The following HTR1F variants were observed in gnomAD, a reference collection of about 807,000 sequenced individuals.
The protein encoded by HTR1F is 5-hydroxytryptamine receptor 1F, also known as 5-hydroxytryptamine (serotonin) receptor 1F, G protein-coupled.
In HTR1F, 17 loss-of-function variants were observed where a neutral mutation model predicts 24.0. The ratio of observed to expected loss-of-function variants is 0.71; its 90% CI spans 0.48 to 1.06. HTR1F has a LOEUF of 1.06. Ranked by LOEUF, HTR1F falls within the 50% of genes least tolerant of loss-of-function variation. HTR1F has a pLI of 0.00. For missense variants in HTR1F, 391 were observed against 427.8 expected, an observed-to-expected ratio of 0.91 and a Z score of 0.76; for synonymous variants, 186 against 156.8, an observed-to-expected ratio of 1.19 and a Z score of -1.39.
intron 2 of HTR1F, among the ~76,000 whole-genome samples, chr3:87,990,237 T>C (rs1032717886): frequency 6.6e-6 from 1 of 152,218 alleles, no homozygotes; most frequent in African/African-American, 2.4e-5. Context: ...AGCAAAACTC[T>C]TGGTGGGCTC....
chr3:87,992,956 T>C lies in HTR1F; in HGVS notation c.*1106T>C, dbSNP rs2107530331. On this transcript the variant is annotated 3_prime_UTR_variant, in exon 3 of 3. Transcript: ENST00000319595. ...ATTAATAAATGTACACACATATATA[T>C]TTTTGTAATTAGTCACTCTACTAGT... 1 of 167,024 alleles carries C rather than the reference T, an allele frequency of 6.0e-6. No homozygotes were observed. Among genetic ancestry groups the C allele is most frequent in the South Asian group, 2.1e-4 (1 of 4,830 alleles). The allele number at this position is 167,024 out of a possible 1,614,324, so 10.3% of individuals were successfully genotyped here.
chr3:87,902,793 C>A (rs1259040356), intron 2 of HTR1F, among the ~76,000 whole-genome samples: 1 of 141,344 alleles, frequency 7.1e-6, no homozygotes, highest in Non-Finnish European at 1.5e-5. Context: ...GCTCCCCTTC[C>A]TGTGTCCATG....
chr3:87,991,865 A>G lies in HTR1F; in HGVS notation c.*15A>G. ...GTCGATGTTAGTTTTAAAAATGTTT[A>G]TTATTGAAGGATGGGGGTTTTTGAG... On this transcript the variant is annotated 3_prime_UTR_variant, in exon 3 of 3. Coordinates refer to ENST00000319595, the MANE Select transcript of HTR1F (RefSeq NM_001322209.2). 6.5e-7 allele frequency: 1 copy of G among 1,538,850 alleles called. No homozygotes were observed. Among genetic ancestry groups the G allele is most frequent in the Non-Finnish European group, 8.7e-7 (1 of 1,145,360 alleles).
intron 2 of HTR1F, among the ~76,000 whole-genome samples, chr3:87,856,969 A>G (rs1354326): frequency 0.25 from 37,396 of 152,110 alleles, 7,253 homozygotes; most frequent in African/African-American, 0.55. Context: ...GATTCTGCCA[A>G]TGCTTTCAGA....
chr3:87,799,954 T>G (rs1424030033), intron 1 of HTR1F, among the ~76,000 whole-genome samples: 1 of 152,204 alleles, frequency 6.6e-6, no homozygotes, highest in Non-Finnish European at 1.5e-5. Context: ...ATTTCTTTTT[T>G]AAAGTTTTTC....
intron 1 of HTR1F, among the ~76,000 whole-genome samples, chr3:87,794,605 C>A (rs546346030): frequency 6.6e-6 from 1 of 152,290 alleles, no homozygotes; most frequent in South Asian, 2.1e-4. Flanking sequence ...CATTTATTCA[C>A]GCTTCATCCA....
chr3:87,980,482 T>C (rs923590854), intron 2 of HTR1F, among the ~76,000 whole-genome samples: 1 of 152,324 alleles, frequency 6.6e-6, no homozygotes, highest in African/African-American at 2.4e-5. Flanking sequence ...GACTGGTCCA[T>C]GAGCAGCCAT....
At chr3:87,924,915 C>T (rs1704088785) in intron 2 of HTR1F, among the ~76,000 whole-genome samples, 1 of 152,062 alleles carries the variant, frequency 6.6e-6, no homozygotes, top group Non-Finnish European at 1.5e-5. Context: ...TTAACTCTCT[C>T]AAGACTTAGG....
At chr3:87,938,730 A>G (rs1704488842) in intron 2 of HTR1F, among the ~76,000 whole-genome samples, 1 of 152,222 alleles carries the variant, frequency 6.6e-6, no homozygotes. Flanking sequence ...ACAACTGGCT[A>G]GCCATATGCG....
intron 2 of HTR1F, among the ~76,000 whole-genome samples, chr3:87,912,818 G>A (rs1226674914): frequency 6.6e-6 from 1 of 151,986 alleles, no homozygotes; most frequent in Non-Finnish European, 1.5e-5. Context: ...TGACAAAGCT[G>A]ACAAAAATGA....
rs1705879917 is a variant in HTR1F, at chr3:87,993,435, GGCA to G, written c.*1586_*1588del. The G allele has an allele frequency of 1.8e-5, 3 of 166,920 alleles. No individual in the cohort carries two copies. In the South Asian group the frequency reaches 6.2e-4, roughly 35 times the overall value. 10.3% of individuals were successfully genotyped at this position (166,920 alleles called of 1,614,324 possible). On this transcript the variant is annotated 3_prime_UTR_variant, in exon 3 of 3. Transcript: ENST00000319595. The stretch of plus-strand genomic sequence containing the variant: ...AATAGAAAAGAGCAAACTAAAATCT[GGCA>G]TGGAAGTTGTTTACACAGTTATGAT...
intron 2 of HTR1F, among the ~76,000 whole-genome samples, chr3:87,860,141 T>C (rs772374051): frequency 2.0e-5 from 3 of 152,212 alleles, no homozygotes; most frequent in Non-Finnish European, 2.9e-5. Flanking sequence ...TGTATCATAA[T>C]CTGCATATAC....
rs1388554859 is a variant in HTR1F at position 87,842,976 on chromosome 3, A to G, written c.-43+20852A>G. 6.6e-5 allele frequency among the ~76,000 whole-genome samples: 10 copies of G among 151,928 alleles called. 1 individual carries two copies. Among genetic ancestry groups the G allele is most frequent in the South Asian group, 2.1e-4 (1 of 4,834 alleles). On this transcript the variant is annotated intron_variant, in intron 2 of 2. Coordinates refer to ENST00000319595, the MANE Select transcript of HTR1F (RefSeq NM_001322209.2). ...CTGTAGATAGGTCTCGGTAAAGGAC[A>G]GTGTTGTGATAAAGGTTTCCCAGTT...
At chr3:87,979,101 A>AAGGG (rs1705482937) in intron 2 of HTR1F, among the ~76,000 whole-genome samples, 1 of 10,306 alleles carries the variant, frequency 9.7e-5, no homozygotes, top group Admixed American at 1.3e-3. Context: ...GGAAGGAAGG[A>AAGGG]AGGAAGGGAG....
intron 1 of HTR1F, among the ~76,000 whole-genome samples, chr3:87,811,401 G>A (rs535965592): frequency 6.7e-4 from 102 of 152,028 alleles, no homozygotes; most frequent in Non-Finnish European, 1.2e-3. Context: ...GAGTAAATAG[G>A]GAAAAAGTCG....
chr3:87,935,483 C>G (rs184222799), intron 2 of HTR1F, among the ~76,000 whole-genome samples: 32 of 151,514 alleles, frequency 2.1e-4, no homozygotes, highest in African/African-American at 7.8e-4. Flanking sequence ...CATTAAAGAT[C>G]TTCCACTAAA....
chr3:87,844,317 A>T (rs199962296), intron 2 of HTR1F, among the ~76,000 whole-genome samples: 2 of 142,370 alleles, frequency 1.4e-5, no homozygotes, highest in African/African-American at 2.8e-5. Context: ...TTGGCTGCAT[A>T]AATGTCTTCT....
intron 1 of HTR1F, among the ~76,000 whole-genome samples, chr3:87,808,100 T>C (rs975807652): frequency 2.6e-5 from 4 of 151,874 alleles, no homozygotes; most frequent in Non-Finnish European, 5.9e-5. Flanking sequence ...TGCCCTTGTC[T>C]GGTTTTGGTA....
At chr3:87,949,724 A>G (rs1704791655) in intron 2 of HTR1F, among the ~76,000 whole-genome samples, 1 of 152,136 alleles carries the variant, frequency 6.6e-6, no homozygotes, top group African/African-American at 2.4e-5. Context: ...TCTAATTACC[A>G]TCTACTGACC....
Sources: allele counts gnomAD v4.1 joint callset (sites outside exome capture counted in the v4.1 genomes callset), GRCh38; gene constraint gnomAD v4.1.1; transcripts MANE v1.5; gene names NCBI Gene and HGNC (gene_info 2026-07-23, HGNC 2026-07-21).